Variants in SEMA3D observed in about 807,000 individuals in gnomAD.
The protein encoded by SEMA3D is semaphorin 3D, also known as semaphorin-3D.
SEMA3D carries 84 observed loss-of-function variants against 100.1 expected under a neutral mutation model. That is an observed-to-expected ratio of 0.84 (90% confidence interval 0.70 to 1.01). The LOEUF (loss-of-function observed/expected upper bound fraction) is 1.01, where lower values mean the gene tolerates loss of function less well. Ranked by LOEUF, SEMA3D falls within the 50% of genes least tolerant of loss-of-function variation. SEMA3D has a pLI of 0.00. For missense variants in SEMA3D, 875 were observed against 934.1 expected, an observed-to-expected ratio of 0.94 and a Z score of 0.82; for synonymous variants, 312 against 320.7, an observed-to-expected ratio of 0.97 and a Z score of 0.29.
chr7:85,077,595 A>AT (rs1186298629), intron 5 of SEMA3D, among the ~76,000 whole-genome samples: 1 of 152,158 alleles, frequency 6.6e-6, no homozygotes, highest in Non-Finnish European at 1.5e-5. Context: ...TAATGAAAAA[A>AT]TTTCAAGCTA....
intron 3 of SEMA3D, 136 bp from the exon 4 acceptor site, chr7:85,098,101 A>C: frequency 1.8e-6 from 1 of 564,550 alleles, no homozygotes; most frequent in Non-Finnish European, 2.9e-6. Flanking sequence ...AAAAGAAAGA[A>C]AGAAAGAGAA....
intron 2 of SEMA3D, among the ~76,000 whole-genome samples, chr7:85,148,023 G>A (rs1790264864): frequency 6.6e-6 from 1 of 152,048 alleles, no homozygotes; most frequent in South Asian, 2.1e-4. Flanking sequence ...ATGAACAAAA[G>A]TTAATCAAAT....
At chr7:85,082,294 G>T (rs1036193711) in intron 4 of SEMA3D, among the ~76,000 whole-genome samples, 1 of 152,116 alleles carries the variant, frequency 6.6e-6, no homozygotes, top group Non-Finnish European at 1.5e-5. Flanking sequence ...ATAAGTCAAG[G>T]GCTCCAAACT....
At chr7:85,038,923 G>T (rs1790777421) in intron 11 of SEMA3D, among the ~76,000 whole-genome samples, 1 of 152,010 alleles carries the variant, frequency 6.6e-6, no homozygotes, top group Non-Finnish European at 1.5e-5. Flanking sequence ...TATGAATAAG[G>T]TATTGTGAAC....
chr7:85,140,937 CTTT>C (rs1476273506), intron 2 of SEMA3D: 7 of 605,560 alleles, frequency 1.2e-5, no homozygotes, highest in Non-Finnish European at 1.4e-5. Context: ...TTAAAATCTT[CTTT>C]ATTTTTCCCT....
chr7:85,199,315 G>A, the SEMA3D span, among the ~76,000 whole-genome samples: 5 of 136,002 alleles, frequency 3.7e-5, no homozygotes, highest in African/African-American at 7.7e-5. Flanking sequence ...TAACATTATC[G>A]TTATTATCAT....
intron 5 of SEMA3D, among the ~76,000 whole-genome samples, chr7:85,074,295 T>C (rs944146289): frequency 2.6e-5 from 4 of 152,288 alleles, no homozygotes; most frequent in East Asian, 1.9e-4. Context: ...ATGGACCTAA[T>C]GGTCCACTGT....
At chr7:85,143,296 T>A in intron 2 of SEMA3D, 2 of 422,834 alleles carry the variant, frequency 4.7e-6, no homozygotes, top group South Asian at 1.0e-4. Flanking sequence ...AAGAATAGCA[T>A]AAAAATATAC....
At chr7:85,050,593 A>G in intron 9 of SEMA3D, 1 of 393,450 alleles carries the variant, frequency 2.5e-6, no homozygotes, top group East Asian at 3.7e-5. Context: ...CAGTAAAATT[A>G]TCTTTTAAGT....
At chr7:85,185,357 C>A (rs905879080) in intron 1 of SEMA3D, among the ~76,000 whole-genome samples, 1 of 151,982 alleles carries the variant, frequency 6.6e-6, no homozygotes, top group Admixed American at 6.6e-5. Context: ...ACCCCGCCAT[C>A]CCCCGCTAGC....
intron 2 of SEMA3D, among the ~76,000 whole-genome samples, chr7:85,128,143 A>ATTTAT (rs1554346226): frequency 1.1e-4 from 16 of 151,446 alleles, no homozygotes; most frequent in Admixed American, 3.3e-4. Flanking sequence ...CTATGTTTTT[A>ATTTAT]TTTATTTTAT....
chr7:85,075,111 T>G (rs2116201760), intron 5 of SEMA3D, among the ~76,000 whole-genome samples: 1 of 152,284 alleles, frequency 6.6e-6, no homozygotes, highest in Admixed American at 6.5e-5. Context: ...TGGTTTTTCC[T>G]GCACAAAGAC....
intron 2 of SEMA3D, among the ~76,000 whole-genome samples, chr7:85,146,186 T>A (rs879740673): frequency 1.3e-5 from 2 of 152,178 alleles, no homozygotes; most frequent in African/African-American, 2.4e-5. Context: ...TTACAGTTCT[T>A]TAATGAGATA....
At chr7:85,098,843 C>G (rs1003717189) in intron 3 of SEMA3D, among the ~76,000 whole-genome samples, 3 of 151,922 alleles carry the variant, frequency 2.0e-5, no homozygotes, top group African/African-American at 4.8e-5. Flanking sequence ...CCTTCTCCCC[C>G]ACCCCTCCCC....
At chr7:85,089,286 G>T (rs1788309202) in intron 4 of SEMA3D, among the ~76,000 whole-genome samples, 2 of 152,110 alleles carry the variant, frequency 1.3e-5, no homozygotes, top group African/African-American at 2.4e-5. Flanking sequence ...GGTAGAGCTT[G>T]TTCTACCTAA....
chr7:85,073,824 T>C (rs556884253), intron 5 of SEMA3D, among the ~76,000 whole-genome samples: 22 of 152,322 alleles, frequency 1.4e-4, no homozygotes, highest in African/African-American at 5.3e-4. Context: ...CTGTTTTTTC[T>C]CATGGACTTT....
At chr7:85,221,083 A>G in the SEMA3D span, among the ~76,000 whole-genome samples, 1 of 152,098 alleles carries the variant, frequency 6.6e-6, no homozygotes, top group African/African-American at 2.4e-5. Context: ...TGACCCCAGA[A>G]CAGAAACAGA....
chr7:85,036,556 A>G (rs1790699793), intron 12 of SEMA3D, among the ~76,000 whole-genome samples: 2 of 152,144 alleles, frequency 1.3e-5, no homozygotes, highest in East Asian at 3.9e-4. Flanking sequence ...GTGAGAAATA[A>G]TACTTCTTTG....
rs745437294 is a variant in SEMA3D, at chr7:85,015,048, G to A, written c.1703+11C>T. ...AAGGAAGCCTTTATATTAACTCCAT[G>A]TGCCTCTTACCTTTTAGAAGTAGGA... On this transcript the variant is annotated intron_variant, in intron 16 of 18. Coordinates refer to ENST00000284136, the MANE Select transcript of SEMA3D (RefSeq NM_001384900.1). The A allele has an allele frequency of 1.9e-6, 3 of 1,605,174 alleles. No homozygotes were observed. Among genetic ancestry groups the A allele is most frequent in the African/African-American group, 2.7e-5 (2 of 74,544 alleles).
Sources: allele counts gnomAD v4.1 joint callset (sites outside exome capture counted in the v4.1 genomes callset), GRCh38; gene constraint gnomAD v4.1.1; transcripts MANE v1.5; gene names NCBI Gene and HGNC (gene_info 2026-07-23, HGNC 2026-07-21).